LILRB2: variants seen among roughly 807,000 people sequenced by gnomAD.
LILRB2 encodes leukocyte immunoglobulin-like receptor subfamily B member 2.
A neutral mutation model predicts 72.7 loss-of-function variants in LILRB2; 47 were observed. The ratio of observed to expected loss-of-function variants is 0.65; its 90% CI spans 0.51 to 0.82. LILRB2 has a LOEUF of 0.82. Ranked by LOEUF, LILRB2 falls within the 40% of genes least tolerant of loss-of-function variation. The probability of loss-of-function intolerance (pLI) is 0.00; values close to 1 mark genes in which losing one functional copy is unlikely to be tolerated. For missense variants in LILRB2, 767 were observed against 764.8 expected (o/e 1.00, Z -0.03); for synonymous variants, 279 against 313.7 (o/e 0.89, Z 1.17).
At chr19:54,276,786 G>A (rs1182111668) in intron 10 of LILRB2, 21 bp downstream of exon 10, 1 of 1,610,972 alleles carries the variant, frequency 6.2e-7, no homozygotes, top group Non-Finnish European at 8.5e-7. Context: ...CGGCCCACAG[G>A]GTTTCCCCTT....
At chr19:54,277,500 C>T (rs1410636080) in intron 9 of LILRB2, 50 bp downstream of exon 9, 4 of 1,551,352 alleles carry the variant, frequency 2.6e-6, no homozygotes, top group African/African-American at 1.4e-5. Flanking sequence ...AGAACCCACC[C>T]CTGCCTCCCC....
intron 8 of LILRB2, 117 bp downstream of exon 8, chr19:54,277,772 G>C (rs1291381152): frequency 7.5e-7 from 1 of 1,327,450 alleles, no homozygotes; most frequent in Non-Finnish European, 1.1e-6. Context: ...GCTCTGCCCA[G>C]CTCCCTGGAC....
chr19:54,276,781 C>G, intron 10 of LILRB2, 26 bp downstream of exon 10: 11 of 1,609,830 alleles, frequency 6.8e-6, no homozygotes, highest in Non-Finnish European at 9.3e-6. Context: ...TCGGTCGGCC[C>G]ACAGGGTTTC....
rs145540397 is a variant in LILRB2, at chr19:54,280,745, C to G, written c.-48-201G>C. The G allele has an allele frequency of 5.2e-5, 42 of 808,352 alleles. No individual in the cohort carries two copies. In the African/African-American group the frequency reaches 6.5e-4, roughly 13 times the overall value. The allele number at this position is 808,352 out of a possible 1,614,324, so 50.1% of individuals were successfully genotyped here. On this transcript the variant is annotated intron_variant, in intron 1 of 13. Coordinates refer to ENST00000314446, the MANE Select transcript of LILRB2 (RefSeq NM_001080978.4). ...CTGGGCCCTCTGCAGACATTTCAGA[C>G]TGTAATGGGGTCTTTCCTGACCCCC... is the stretch of plus-strand genomic sequence containing the variant.
chr19:54,279,901 T>C lies in LILRB2; in HGVS notation c.245A>G (p.Gln82Arg). 7 of 1,614,140 alleles carry C rather than the reference T, an allele frequency of 4.3e-6. No individual in the cohort carries two copies. The South Asian group carries it at 7.7e-5, about 18-fold the overall frequency. Residue 82 changes from glutamine to arginine, a missense_variant, in exon 4 of 14, where the codon CAG (glutamine) becomes CGG (arginine). Coordinates refer to ENST00000314446, the MANE Select transcript of LILRB2 (RefSeq NM_001080978.4). ...RIRPELVKNG[Q>R]FHIPSITWEH... The stretch of plus-strand genomic sequence containing the variant: ...CCAGGTGATGGATGGGATGTGGAAC[T>C]GGCCGTTCTTCACAAGCTCTGGTCG...
In LILRB2 at chr19:54,280,316, T is replaced by C; in HGVS notation, c.35-17A>G. 2 of 1,614,166 alleles carry C rather than the reference T, an allele frequency of 1.2e-6. No homozygotes were observed. The highest frequency in any genetic ancestry group is 1.7e-6 in the Non-Finnish European group (2 of 1,180,010). ...GACTCAGCCCTGGAAGAGAGTTCCC[T>C]GTGAGGGATTTGCCCCCTGAAGCCT... On this transcript the variant is annotated splice_polypyrimidine_tract_variant and intron_variant, in intron 2 of 13. Transcript: ENST00000314446.
Position 54,278,553 on chromosome 19 carries a change from C to G in LILRB2, c.965G>C (p.Arg322Pro), listed in dbSNP as rs1128646. Residue 322 changes from arginine (R) to proline (P), a missense_variant, in exon 7 of 14, where the codon CGT becomes CCT. Physicochemically the swap from Arg to Pro is moderately radical, Grantham distance 103. Transcript: ENST00000314446. Reference sequence around the variant, plus strand: ...CTGCACTGAGATGAAGGGTGTGCCACGGATCTGTCCTGGAGAGAAGAAGGA... The same window carrying G: ...CTGCACTGAGATGAAGGGTGTGCCAGGGATCTGTCCTGGAGAGAAGAAGGA... ...PLDILITGQIRGTPFISVQPG... is the reference protein window; with the variant it reads ...PLDILITGQIPGTPFISVQPG... 6.2e-7 allele frequency: 1 copy of G among 1,610,732 alleles called. No individual in the cohort carries two copies. The highest frequency in any genetic ancestry group is 1.1e-5 in the South Asian group (1 of 90,902).
rs377154248 is a variant in LILRB2, at chr19:54,277,864, C to T, written c.1309+25G>A. On this transcript the variant is annotated intron_variant, in intron 8 of 13. Transcript: ENST00000314446. The stretch of plus-strand genomic sequence containing the variant: ...GCCCTGGGGGTCGCTGCGCTCCCTT[C>T]GAGCCAGAGGCCTCAGGGACTCACC... The T allele has an allele frequency of 2.3e-4, 360 of 1,538,544 alleles. 3 individuals are homozygous for T. The South Asian group carries it at 3.9e-3, about 17-fold the overall frequency.
Position 54,274,692 on chromosome 19 carries a change from G to A in LILRB2, c.1785C>T (p.Ala595=). Residue 595 remains alanine, a synonymous_variant, in exon 14 of 14, where the codon GCC becomes GCT. Coordinates refer to ENST00000314446, the MANE Select transcript of LILRB2 (RefSeq NM_001080978.4). ...CTGCGTACCCTCCGGGCTAGTGGATGGCCAGGGTGGCGTAGATGCTGGGCT... is the reference window on the plus strand; with the variant it reads ...CTGCGTACCCTCCGGGCTAGTGGATAGCCAGGGTGGCGTAGATGCTGGGCT... ...PAEPSIYATL[A]IH is the part of the protein sequence containing the mutation. The A allele has an allele frequency of 2.5e-6, 4 of 1,613,948 alleles. No individual in the cohort carries two copies. Among genetic ancestry groups the A allele is most frequent in the Non-Finnish European group, 3.4e-6 (4 of 1,180,026 alleles).
intron 9 of LILRB2, 45 bp downstream of exon 9, chr19:54,277,505 C>T (rs1471309795): frequency 6.4e-7 from 1 of 1,552,596 alleles, no homozygotes; most frequent in African/African-American, 1.4e-5. Context: ...CCACCCCTGC[C>T]TCCCCGGGAC....
At position 54,278,534 on chromosome 19, in the gene LILRB2, T is replaced by C. The variant is rs28405793; in HGVS notation, c.984A>G (p.Ser328=). The change falls in exon 7 of 14, where the codon TCA becomes TCG. Residue 328 remains serine, a synonymous_variant. Coordinates refer to ENST00000314446, the MANE Select transcript of LILRB2 (RefSeq NM_001080978.4). ...AGGCCACTGTGGGGCCTGGCTGCAC[T>C]GAGATGAAGGGTGTGCCACGGATCT... ...TGQIRGTPFI[S]VQPGPTVASG... is the part of the protein sequence containing the mutation. 0.019 allele frequency: 30,675 copies of C among 1,586,574 alleles called. 177 individuals are homozygous for C. The African/African-American group carries it at 0.26, about 14-fold the overall frequency.
At chr19:54,277,513 G>T (rs1179036418) in intron 9 of LILRB2, 37 bp downstream of exon 9, 1 of 1,554,228 alleles carries the variant, frequency 6.4e-7, no homozygotes, top group East Asian at 2.4e-5. Context: ...GCCTCCCCGG[G>T]ACCCCGCCCA....
intron 6 of LILRB2, 69 bp from the exon 7 acceptor site, chr19:54,278,631 C>T: frequency 6.4e-7 from 1 of 1,558,468 alleles, no homozygotes; most frequent in African/African-American, 1.4e-5. Flanking sequence ...CCAGGCCTCT[C>T]TAGGAGCCTC....
In LILRB2 at chr19:54,279,491, G is replaced by A. The variant is rs1333006812; in HGVS notation, c.512C>T (p.Pro171Leu). The part of the protein sequence containing the change: ...DEHPQCLNSQ[P>L]HARGSSRAIF... The stretch of plus-strand genomic sequence containing the variant: ...GGCGCGGGACGACCCACGGGCATGG[G>A]GCTGGGAGTTCAGGCATTGTGGGTG... The change falls in exon 5 of 14, where the codon CCC becomes CTC. Residue 171 changes from proline to leucine, a missense_variant. Around this residue, in one of 3 missense-constraint regions of LILRB2, gnomAD observed 599 missense variants for 568.2 expected, o/e 1.05. Transcript: ENST00000314446. 2.5e-6 allele frequency: 4 copies of A among 1,614,166 alleles called. No homozygotes were observed. Among genetic ancestry groups the A allele is most frequent in the Middle Eastern group, 1.6e-4 (1 of 6,062 alleles).
At chr19:54,277,732 AGCCCTGGGGACCCT>A in intron 8 of LILRB2, 135 bp from the exon 9 acceptor site, 1 of 1,334,346 alleles carries the variant, frequency 7.5e-7, no homozygotes, top group South Asian at 1.3e-5. Context: ...CCAGCCTCAG[AGCCCTGGGGACCCT>A]GTGGCCCCTC....
At position 54,280,249 on chromosome 19, in the gene LILRB2, T is replaced by C; in HGVS notation, c.70+15A>G. 6.2e-7 allele frequency: 1 copy of C among 1,613,770 alleles called. No homozygotes were observed. The highest frequency in any genetic ancestry group is 8.5e-7 in the Non-Finnish European group (1 of 1,179,912). On this transcript the variant is annotated intron_variant, in intron 3 of 13. Coordinates refer to ENST00000314446, the MANE Select transcript of LILRB2 (RefSeq NM_001080978.4). ...GTGAGGAGGAGGGACCTGGGAGAGC[T>C]GGGGACAGACTCACCTGTCTGCACG...
intron 9 of LILRB2, 160 bp from the exon 10 acceptor site, chr19:54,277,089 C>T (rs912224072): frequency 1.2e-4 from 179 of 1,507,378 alleles, no homozygotes; most frequent in African/African-American, 3.9e-4. Flanking sequence ...GAAAAACTGA[C>T]GCTCAGAGAG....
At position 54,278,891 on chromosome 19, in the gene LILRB2, G is replaced by A. The variant is rs751058481; in HGVS notation, c.876C>T (p.Gly292=). 3.7e-6 allele frequency: 6 copies of A among 1,613,996 alleles called. No homozygotes were observed. In the Admixed American group the frequency reaches 8.3e-5, roughly 22 times the overall value. Residue 292 remains glycine, a synonymous_variant, in exon 6 of 14, where the codon GGC becomes GGT. Transcript: ENST00000314446. ...TGTGTGCACCGTAGCATCTGTACTG[G>A]CCCCCGTAGGAGCGGCTCACAGGGC... ...TLGPVSRSYG[G]QYRCYGAHNL... is the part of the protein sequence containing the mutation.
In LILRB2 at chr19:54,274,644, T is replaced by C. The variant is rs745977422; in HGVS notation, c.*39A>G. The C allele has an allele frequency of 9.9e-6, 16 of 1,613,664 alleles. No individual in the cohort carries two copies. The highest frequency in any genetic ancestry group is 1.4e-5 in the Non-Finnish European group (16 of 1,179,852). Reference sequence around the variant, plus strand: ...CTCCCGTGCCTTCAGCAGTCCTGAGTCTCCTTCTACTGAGTGTGGAGTCTG... The same window carrying C: ...CTCCCGTGCCTTCAGCAGTCCTGAGCCTCCTTCTACTGAGTGTGGAGTCTG... On this transcript the variant is annotated 3_prime_UTR_variant, in exon 14 of 14. Transcript: ENST00000314446.
Sources: gnomAD v4.1 joint callset for allele counts on GRCh38, gnomAD v4.1.1 for gene constraint, gnomAD v4.1.1 regional missense constraint, MANE v1.5 for transcripts, NCBI Gene and HGNC (gene_info 2026-07-23, HGNC 2026-07-21) for gene names.